Variants in PCDH15 observed in about 807,000 individuals in gnomAD.
PCDH15 encodes protocadherin-15.
A neutral mutation model predicts 178.5 loss-of-function variants in PCDH15; 129 were observed. That is an observed-to-expected ratio of 0.72 (90% CI 0.63 to 0.84). PCDH15 has a LOEUF of 0.84. PCDH15 is among the 40% of genes least tolerant of loss of function. PCDH15 has a pLI of 0.00. For synonymous variants in PCDH15, 800 were observed against 732.0 expected, an observed-to-expected ratio of 1.09 and a Z score of -1.50; for missense variants, 2,230 against 2,099.9, an observed-to-expected ratio of 1.06 and a Z score of -1.21.
At chr10:54,345,338 C>T (rs951451627) in intron 6 of PCDH15, among the ~76,000 whole-genome samples, 7 of 151,952 alleles carry the variant, frequency 4.6e-5, no homozygotes, top group Non-Finnish European at 8.8e-5. Flanking sequence ...CTACAACATA[C>T]AATGGTAAAA....
chr10:54,135,019 C>A (rs1360517884), intron 14 of PCDH15, among the ~76,000 whole-genome samples: 1 of 151,498 alleles, frequency 6.6e-6, no homozygotes, highest in Non-Finnish European at 1.5e-5. Flanking sequence ...GCATGACCAA[C>A]ATGGAGAAAC....
At chr10:55,177,859 T>C (rs1211370265) in intron 1 of PCDH15, among the ~76,000 whole-genome samples, 1 of 144,626 alleles carries the variant, frequency 6.9e-6, no homozygotes, top group African/African-American at 2.5e-5. Flanking sequence ...TGGACTCTTT[T>C]TACAGACGGA....
chr10:54,185,612 G>A (rs1205002908), intron 11 of PCDH15, among the ~76,000 whole-genome samples: 4 of 151,750 alleles, frequency 2.6e-5, no homozygotes, highest in Non-Finnish European at 4.4e-5. Context: ...GCATTGGACT[G>A]GAGAAATAAG....
intron 2 of PCDH15, among the ~76,000 whole-genome samples, chr10:55,129,068 T>C (rs1215230027): frequency 6.6e-6 from 1 of 152,126 alleles, no homozygotes; most frequent in Non-Finnish European, 1.5e-5. Flanking sequence ...CAATTAATAG[T>C]TCCTTTATAG....
chr10:55,128,455 A>G (rs906322487), intron 2 of PCDH15, among the ~76,000 whole-genome samples: 1 of 152,052 alleles, frequency 6.6e-6, no homozygotes, highest in Non-Finnish European at 1.5e-5. Flanking sequence ...ACTTAACCTC[A>G]TGCTCTCTCA....
At chr10:54,389,497 G>A (rs1219841430) in intron 3 of PCDH15, among the ~76,000 whole-genome samples, 1 of 152,176 alleles carries the variant, frequency 6.6e-6, no homozygotes, top group East Asian at 1.9e-4. Flanking sequence ...TATGAAAGCA[G>A]GCTTTATCAC....
chr10:55,567,528 G>A (rs962863841), intron 2 of PCDH15, among the ~76,000 whole-genome samples: 30 of 151,490 alleles, frequency 2.0e-4, no homozygotes, highest in Admixed American at 2.0e-3. Context: ...GAAAATATTT[G>A]CAGAACATAT....
intron 1 of PCDH15, among the ~76,000 whole-genome samples, chr10:54,698,481 C>T (rs2095265146): frequency 6.6e-6 from 1 of 152,090 alleles, no homozygotes; most frequent in Admixed American, 6.6e-5. Context: ...GAAAAAGCTA[C>T]ACACTATTTG....
intron 18 of PCDH15, among the ~76,000 whole-genome samples, chr10:54,065,840 C>A (rs2094126637): frequency 6.6e-6 from 1 of 152,204 alleles, no homozygotes; most frequent in South Asian, 2.1e-4. Flanking sequence ...CCATTTAAAG[C>A]AACCCTCTCC....
chr10:54,602,807 G>A (rs958321768), intron 2 of PCDH15, among the ~76,000 whole-genome samples: 1 of 151,818 alleles, frequency 6.6e-6, no homozygotes, highest in African/African-American at 2.4e-5. Flanking sequence ...TGCACCCCAG[G>A]GATAAGTCCT....
chr10:54,147,016 T>TAATGTATATATATA (rs1491305720), intron 14 of PCDH15, among the ~76,000 whole-genome samples: 1 of 79,234 alleles, frequency 1.3e-5, no homozygotes, highest in African/African-American at 5.8e-5. Context: ...GTATATATAA[T>TAATGTATATATATA]GTGTATATAT....
chr10:53,996,611 C>T (rs1437475690), intron 20 of PCDH15, among the ~76,000 whole-genome samples: 1 of 152,094 alleles, frequency 6.6e-6, no homozygotes, highest in African/African-American at 2.4e-5. Flanking sequence ...GTAACTTTGA[C>T]TAAATTAATC....
At chr10:55,270,439 T>C (rs1335258179) in intron 1 of PCDH15, among the ~76,000 whole-genome samples, 2 of 136,948 alleles carry the variant, frequency 1.5e-5, no homozygotes, top group African/African-American at 5.8e-5. Flanking sequence ...CAAAACAAAA[T>C]GAAAAAAAAA....
Position 54,376,002 on chromosome 10 carries a change from C to T in PCDH15, c.318+2780G>A, listed in dbSNP as rs945031725. Reference sequence around the variant, plus strand: ...CTCCGCCTCCTGGGATCAAGTGATTCTTCTGCCTCAGCCTCTACAGTAGCT... The same window carrying T: ...CTCCGCCTCCTGGGATCAAGTGATTTTTCTGCCTCAGCCTCTACAGTAGCT... On this transcript the variant is annotated intron_variant, in intron 4 of 37. Transcript: ENST00000644397. Among the ~76,000 whole-genome samples the T allele has an allele frequency of 3.9e-4, 59 of 151,454 alleles. No homozygotes were observed. The South Asian group carries it at 4.2e-3, about 11-fold the overall frequency.
intron 3 of PCDH15, among the ~76,000 whole-genome samples, chr10:54,843,373 T>C (rs1953452123): frequency 1.3e-5 from 2 of 151,962 alleles, no homozygotes; most frequent in Admixed American, 1.3e-4. Context: ...GTCAGAATAT[T>C]AACATTTCCT....
At chr10:54,802,880 C>A (rs2133717618), upstream of PCDH15, among the ~76,000 whole-genome samples, 1 of 152,236 alleles carries the variant, frequency 6.6e-6, no homozygotes, top group East Asian at 1.9e-4. Flanking sequence ...AAAATTTTAT[C>A]CCTTCCTCAT....
chr10:53,990,503 A>G (rs185273842), intron 21 of PCDH15, among the ~76,000 whole-genome samples: 120 of 148,836 alleles, frequency 8.1e-4, no homozygotes, highest in African/African-American at 2.2e-3. Context: ...ACAATGTTAT[A>G]TATATGTTAT....
intron 3 of PCDH15, among the ~76,000 whole-genome samples, chr10:54,890,276 T>G (rs1016614421): frequency 3.9e-5 from 6 of 152,050 alleles, no homozygotes; most frequent in African/African-American, 1.4e-4. Context: ...AGAGGAAAGC[T>G]GATACAACTC....
chr10:55,397,525 G>A (rs994076377), intron 2 of PCDH15, among the ~76,000 whole-genome samples: 8 of 151,990 alleles, frequency 5.3e-5, no homozygotes, highest in African/African-American at 9.7e-5. Flanking sequence ...TAAACTAAAA[G>A]GACTATTTTA....
Sources: allele counts gnomAD v4.1 joint callset (sites outside exome capture counted in the v4.1 genomes callset), GRCh38; gene constraint gnomAD v4.1.1; transcripts MANE v1.5; gene names NCBI Gene and HGNC (gene_info 2026-07-23, HGNC 2026-07-21).